The following CPED1 variants were observed in gnomAD, a reference collection of about 807,000 sequenced individuals.
The protein encoded by CPED1 is cadherin like and PC-esterase domain containing 1.
A neutral mutation model predicts 128.2 loss-of-function variants in CPED1; 114 were observed. The ratio of observed to expected loss-of-function variants is 0.89; its 90% confidence interval spans 0.76 to 1.04. CPED1 has a LOEUF of 1.04. Among genes scored for constraint, CPED1 ranks in the 50% least tolerant of loss-of-function variants. The pLI, the probability that CPED1 is intolerant of heterozygous loss-of-function variation, is 0.00. For synonymous variants in CPED1, 462 were observed against 426.7 expected, an observed-to-expected ratio of 1.08 and a Z score of -1.02; for missense variants, 1,211 against 1,207.1, an observed-to-expected ratio of 1.00 and a Z score of -0.05.
intron 5 of CPED1, chr7:121,076,714 G>A (rs559904194): frequency 2.0e-5 from 3 of 152,268 alleles, no homozygotes; most frequent in East Asian, 3.9e-4. Flanking sequence ...AGCTCTCTGG[G>A]AAGTGTCTTC....
At chr7:121,150,914 G>A (rs73433997) in intron 16 of CPED1, among the ~76,000 whole-genome samples, 15,712 of 151,812 alleles carry the variant, frequency 0.1, 861 homozygotes, top group South Asian at 0.17. Context: ...GATTACAGGC[G>A]CCTGCCACCA....
chr7:121,018,164 ATAATC>A (rs1287249995), intron 3 of CPED1, among the ~76,000 whole-genome samples: 1 of 152,158 alleles, frequency 6.6e-6, no homozygotes, highest in Non-Finnish European at 1.5e-5. Flanking sequence ...AGTTGTGACT[ATAATC>A]TAACATTTCC....
chr7:120,996,942 G>A (rs1374533620), intron 2 of CPED1, among the ~76,000 whole-genome samples: 11 of 152,160 alleles, frequency 7.2e-5, no homozygotes, highest in Non-Finnish European at 1.5e-5. Flanking sequence ...AAACCACACT[G>A]ATCCTGGCAT....
intron 3 of CPED1, among the ~76,000 whole-genome samples, chr7:121,023,632 A>G (rs1389877176): frequency 6.6e-6 from 1 of 152,122 alleles, no homozygotes; most frequent in African/African-American, 2.4e-5. Flanking sequence ...GGCAGAAGAG[A>G]GAAATAGCAG....
chr7:121,052,398 T>C (rs1487721191), intron 4 of CPED1, among the ~76,000 whole-genome samples: 6 of 152,194 alleles, frequency 3.9e-5, no homozygotes, highest in African/African-American at 9.6e-5. Flanking sequence ...TTTTGTCCCC[T>C]CTCCTTGGGC....
intron 11 of CPED1, 88 bp downstream of exon 11, chr7:121,128,574 A>G: frequency 1.4e-6 from 1 of 717,518 alleles, no homozygotes; most frequent in Non-Finnish European, 2.5e-6. Flanking sequence ...ATCAAACTAG[A>G]TTAAGTATTT....
In CPED1 at chr7:121,244,297, C is replaced by T. The variant is rs1193182104; in HGVS notation, c.2269C>T (p.Leu757=). The T allele has an allele frequency of 1.2e-6, 2 of 1,614,102 alleles. No homozygotes were observed. The highest frequency in any genetic ancestry group is 8.5e-7 in the Non-Finnish European group (1 of 1,179,984). The stretch of plus-strand genomic sequence containing the variant: ...GCCCCACAACTGCCAATATGGTGTC[C>T]TAACTAAGCCTCAACTCCAGCAGTG... ...WQPHNCQYGV[L]TKPQLQQCLG... The change falls in exon 18 of 23, where the codon CTA becomes TTA. Residue 757 remains leucine, a synonymous_variant. Coordinates refer to ENST00000310396, the MANE Select transcript of CPED1 (RefSeq NM_024913.5).
chr7:121,140,709 G>T (rs1795880914), intron 14 of CPED1, 118 bp from the exon 15 acceptor site: 2 of 692,942 alleles, frequency 2.9e-6, no homozygotes, highest in South Asian at 3.8e-5. Flanking sequence ...TGGAAAGTCA[G>T]CAGGGATCAT....
At position 121,141,961 on chromosome 7, in the gene CPED1, C is replaced by T. The variant is rs1355625719; in HGVS notation, c.1887-12C>T. On this transcript the variant is annotated splice_polypyrimidine_tract_variant and intron_variant, in intron 15 of 22. Coordinates refer to ENST00000310396, the MANE Select transcript of CPED1 (RefSeq NM_024913.5). ...ATTCATATTCTATTTCTCTCTCCCT[C>T]TTTCTCTCCAGCTTTGCCAGCTACC... is the stretch of plus-strand genomic sequence containing the variant. 14 of 1,609,182 alleles carry T rather than the reference C, an allele frequency of 8.7e-6. No homozygotes were observed. The highest frequency in any genetic ancestry group is 1.2e-5 in the Non-Finnish European group (14 of 1,176,332).
intron 7 of CPED1, among the ~76,000 whole-genome samples, chr7:121,114,946 G>T (rs2116277967): frequency 6.6e-6 from 1 of 152,278 alleles, no homozygotes; most frequent in South Asian, 2.1e-4. Context: ...TGTCCTTCAG[G>T]CGTGAATGAA....
At chr7:121,262,853 A>T (rs1467842199) in intron 18 of CPED1, among the ~76,000 whole-genome samples, 1 of 152,148 alleles carries the variant, frequency 6.6e-6, no homozygotes, top group African/African-American at 2.4e-5. Context: ...TGATATGCAC[A>T]TTAAAAAGCT....
At chr7:121,112,192 G>A (rs192301399) in intron 7 of CPED1, among the ~76,000 whole-genome samples, 21 of 152,238 alleles carry the variant, frequency 1.4e-4, no homozygotes, top group Admixed American at 3.3e-4. Context: ...ATAGTAGATC[G>A]AATGGCTGTC....
rs74852709 is a variant in CPED1, at chr7:121,074,565, A to G, written c.616+10252A>G. Among the ~76,000 whole-genome samples the G allele has an allele frequency of 1.2e-4, 14 of 117,036 alleles. No homozygotes were observed. In the East Asian group the frequency reaches 4.0e-3, roughly 34 times the overall value. The allele number at this position is 117,036 out of a possible 152,430, so 76.8% of individuals were successfully genotyped here. On this transcript the variant is annotated intron_variant, in intron 5 of 22. Transcript: ENST00000310396. ...ATCTGCATTAAAAACCTGTTCAGGC[A>G]GATATCCTTTCTCCTCAATGATTTT...
Position 121,142,156 on chromosome 7 carries a change from C to A in CPED1, c.2055+15C>A, listed in dbSNP as rs747398725. On this transcript the variant is annotated intron_variant, in intron 16 of 22. Transcript: ENST00000310396. The stretch of plus-strand genomic sequence containing the variant: ...GTTTTGTGCAGGTAAGTGAAGTTTA[C>A]ATTTGCACTTGGGTTGAATTGGGAA... The A allele has an allele frequency of 1.6e-5, 25 of 1,578,206 alleles. No homozygotes were observed. The highest frequency in any genetic ancestry group is 2.2e-5 in the Non-Finnish European group (25 of 1,154,576).
intron 22 of CPED1, among the ~76,000 whole-genome samples, chr7:121,276,732 T>C (rs1302803640): frequency 1.3e-5 from 2 of 152,106 alleles, no homozygotes; most frequent in East Asian, 3.9e-4. Flanking sequence ...TGCAATCCCA[T>C]AGAATAATGT....
At chr7:120,989,923 C>T (rs911049782) in intron 2 of CPED1, 53 bp downstream of exon 2, 1 of 1,596,112 alleles carries the variant, frequency 6.3e-7, no homozygotes, top group Non-Finnish European at 8.5e-7. Context: ...CAGCAATCTG[C>T]TTCTCTGTCC....
At chr7:121,194,021 T>C (rs1433631560) in intron 16 of CPED1, among the ~76,000 whole-genome samples, 2 of 68,900 alleles carry the variant, frequency 2.9e-5, no homozygotes, top group Non-Finnish European at 5.6e-5. Flanking sequence ...TCTCTCTCTC[T>C]CTATATATAT....
intron 7 of CPED1, among the ~76,000 whole-genome samples, chr7:121,101,159 C>A (rs903296933): frequency 2.0e-5 from 3 of 152,030 alleles, no homozygotes; most frequent in Non-Finnish European, 4.4e-5. Flanking sequence ...CTCTTTTGGT[C>A]TCTGTACCAT....
chr7:121,023,452 A>T lies in CPED1; in HGVS notation c.433+7604A>T, dbSNP rs2116836747. ...AGAAGCAACTCTGGGTTGCTGTATT[A>T]TGTAGCAGAATGAGTGAAATAACCA... On this transcript the variant is annotated intron_variant, in intron 3 of 22. Transcript: ENST00000310396. Among the ~76,000 whole-genome samples, 3 of 152,308 alleles carry T rather than the reference A, an allele frequency of 2.0e-5. No individual in the cohort carries two copies. In the South Asian group the frequency reaches 6.2e-4, roughly 32 times the overall value.
Sources: allele counts gnomAD v4.1 joint callset (sites outside exome capture counted in the v4.1 genomes callset), GRCh38; gene constraint gnomAD v4.1.1; transcripts MANE v1.5; gene names NCBI Gene and HGNC (gene_info 2026-07-23, HGNC 2026-07-21).